Variants in RYR2 observed in about 807,000 individuals in gnomAD.
RYR2 encodes the protein ryanodine receptor 2.
In RYR2, 227 loss-of-function variants were observed where a neutral mutation model predicts 601.1. That is an observed-to-expected ratio of 0.38 (90% CI 0.34 to 0.42). The LOEUF is 0.42. Ranked by LOEUF, RYR2 falls within the 10% of genes least tolerant of loss-of-function variation. RYR2 has a pLI of 1.00. For missense variants in RYR2, 4,646 were observed against 6,156.5 expected (o/e 0.75, Z 8.21); for synonymous variants, 2,223 against 2,175.1 (o/e 1.02, Z -0.61).
chr1:237,473,056 C>G (rs1660913465), intron 17 of RYR2, among the ~76,000 whole-genome samples: 1 of 151,878 alleles, frequency 6.6e-6, no homozygotes, highest in African/African-American at 2.4e-5. Flanking sequence ...AATTTAGTGG[C>G]AGGGACAATA....
chr1:237,390,252 G>A (rs1198056532), intron 10 of RYR2, among the ~76,000 whole-genome samples: 1 of 148,524 alleles, frequency 6.7e-6, no homozygotes, highest in Non-Finnish European at 1.5e-5. Flanking sequence ...GAGCTTTTTC[G>A]GCTGTATCTA....
At chr1:237,175,372 G>A (rs933405088) in intron 1 of RYR2, among the ~76,000 whole-genome samples, 3 of 152,116 alleles carry the variant, frequency 2.0e-5, no homozygotes, top group African/African-American at 7.2e-5. Flanking sequence ...TGTTATAGAT[G>A]CCAGTCTTCT....
At chr1:237,756,678 C>T (rs150290507) in intron 81 of RYR2, among the ~76,000 whole-genome samples, 321 of 152,096 alleles carry the variant, frequency 2.1e-3, no homozygotes, top group African/African-American at 6.8e-3. Flanking sequence ...TGGGGGTGCA[C>T]GAGCTTTTTC....
intron 11 of RYR2, among the ~76,000 whole-genome samples, chr1:237,418,777 A>G (rs1705263467): frequency 6.6e-6 from 1 of 152,052 alleles, no homozygotes; most frequent in Non-Finnish European, 1.5e-5. Flanking sequence ...CTGTAACTTT[A>G]AAAAGCTCTT....
chr1:237,543,243 G>A (rs1232909846), intron 25 of RYR2, among the ~76,000 whole-genome samples: 1 of 152,148 alleles, frequency 6.6e-6, no homozygotes, highest in Non-Finnish European at 1.5e-5. Context: ...GGGGCTGAGG[G>A]GTGTAGGAAG....
intron 2 of RYR2, among the ~76,000 whole-genome samples, chr1:237,304,886 C>A (rs1437112094): frequency 6.6e-6 from 1 of 151,972 alleles, no homozygotes; most frequent in African/African-American, 2.4e-5. Context: ...ACAAAAGTGA[C>A]AACCAAATAG....
At chr1:237,208,957 T>TAC (rs1474847564) in intron 1 of RYR2, among the ~76,000 whole-genome samples, 15 of 99,254 alleles carry the variant, frequency 1.5e-4, no homozygotes, top group African/African-American at 3.8e-4. Flanking sequence ...TATATATATA[T>TAC]ATATATATAT....
At chr1:237,669,961 G>A (rs1055174700) in intron 58 of RYR2, among the ~76,000 whole-genome samples, 110 of 152,084 alleles carry the variant, frequency 7.2e-4, no homozygotes, top group Admixed American at 1.6e-3. Context: ...AGGTTGTAGC[G>A]AGCCGAGATC....
chr1:237,399,004 A>G (rs1306485667), intron 10 of RYR2, among the ~76,000 whole-genome samples: 1 of 152,094 alleles, frequency 6.6e-6, no homozygotes, highest in Non-Finnish European at 1.5e-5. Context: ...GACCAGCCCA[A>G]CCAACATGGT....
chr1:237,634,790 G>A, intron 43 of RYR2, 99 bp from the exon 44 acceptor site: 1 of 825,498 alleles, frequency 1.2e-6, no homozygotes. Context: ...ACTATGGATG[G>A]TGTTTAGAAA....
At chr1:237,668,351 C>G (rs1228810123) in intron 58 of RYR2, among the ~76,000 whole-genome samples, 1 of 152,128 alleles carries the variant, frequency 6.6e-6, no homozygotes, top group Non-Finnish European at 1.5e-5. Context: ...CTCTTACATG[C>G]TTTTGCTTGC....
intron 16 of RYR2, among the ~76,000 whole-genome samples, chr1:237,458,565 A>G (rs1659108074): frequency 6.6e-6 from 1 of 152,186 alleles, no homozygotes; most frequent in South Asian, 2.1e-4. Context: ...ATTTAGTTAT[A>G]AGTGTGATTG....
chr1:237,788,404 TG>T (rs1436164246), intron 92 of RYR2, among the ~76,000 whole-genome samples: 3 of 152,202 alleles, frequency 2.0e-5, no homozygotes, highest in African/African-American at 7.2e-5. Context: ...GTGCTCCCAG[TG>T]TCTGCCCACA....
At chr1:237,659,613 C>T (rs1247072932) in intron 54 of RYR2, among the ~76,000 whole-genome samples, 1 of 152,156 alleles carries the variant, frequency 6.6e-6, no homozygotes, top group Non-Finnish European at 1.5e-5. Context: ...TCCTTGGGAC[C>T]ATGCATCCCT....
chr1:237,140,013 A>G (rs1054337300), intron 1 of RYR2, among the ~76,000 whole-genome samples: 2 of 152,214 alleles, frequency 1.3e-5, no homozygotes, highest in Admixed American at 6.5e-5. Context: ...AAAGTGGATG[A>G]CTGTCTGACT....
chr1:237,530,078 G>A (rs1008962511), intron 24 of RYR2, among the ~76,000 whole-genome samples: 1 of 151,800 alleles, frequency 6.6e-6, no homozygotes, highest in African/African-American at 2.4e-5. Context: ...TTGGGAGGCC[G>A]AGATGGGTGG....
chr1:237,715,494 C>A (rs1306717795), intron 71 of RYR2, among the ~76,000 whole-genome samples: 1 of 152,088 alleles, frequency 6.6e-6, no homozygotes, highest in Non-Finnish European at 1.5e-5. Flanking sequence ...AATTCATTTG[C>A]CTAGTGTTAC....
At chr1:237,529,757 T>TCACA (rs1235847282) in intron 24 of RYR2, among the ~76,000 whole-genome samples, 3 of 40,190 alleles carry the variant, frequency 7.5e-5, no homozygotes, top group Non-Finnish European at 1.6e-4. Flanking sequence ...AACAATAATA[T>TCACA]CATACACACA....
Position 237,776,820 on chromosome 1 carries a change from C to T in RYR2, c.11776-1846C>T, listed in dbSNP as rs181546146. 1.1e-4 allele frequency among the ~76,000 whole-genome samples: 17 copies of T among 152,170 alleles called. No homozygotes were observed. In the East Asian group the frequency reaches 3.1e-3, roughly 28 times the overall value. On this transcript the variant is annotated intron_variant, in intron 87 of 104. Transcript: ENST00000366574. The stretch of plus-strand genomic sequence containing the variant: ...TGGTGTGTTGTATTTTTTTATCTAA[C>T]GTGCGAGCCTGGCCCTCTTAGTCCT...
Sources: gnomAD v4.1 joint callset for allele counts (sites outside exome capture counted in the v4.1 genomes callset) on GRCh38, gnomAD v4.1.1 for gene constraint, MANE v1.5 for transcripts, NCBI Gene and HGNC (gene_info 2026-07-23, HGNC 2026-07-21) for gene names.